TIAM1: variants seen among roughly 807,000 people sequenced by gnomAD.
The protein encoded by TIAM1 is TIAM Rac1 associated GEF 1, also known as rho guanine nucleotide exchange factor TIAM1.
In TIAM1, 65 loss-of-function variants were observed where a neutral mutation model predicts 163.5. The ratio of observed to expected loss-of-function variants is 0.40; its 90% CI spans 0.33 to 0.49. The LOEUF (loss-of-function observed/expected upper bound fraction) is 0.49. Ranked by LOEUF, TIAM1 falls within the 20% of genes least tolerant of loss-of-function variation. The pLI, the probability that TIAM1 is intolerant of heterozygous loss-of-function variation, is 0.77. For synonymous variants in TIAM1, 833 were observed against 810.1 expected, an observed-to-expected ratio of 1.03 and a Z score of -0.48; for missense variants, 1,789 against 2,044.7, an observed-to-expected ratio of 0.87 and a Z score of 2.41.
intron 9 of TIAM1, among the ~76,000 whole-genome samples, chr21:31,216,318 CATTCT>C (rs2087208544): frequency 6.6e-6 from 1 of 150,534 alleles, no homozygotes; most frequent in Admixed American, 6.6e-5. Context: ...AAGGAGAGAT[CATTCT>C]ATCAAGTCAG....
Position 31,484,349 on chromosome 21 carries a change from C to T in TIAM1, c.-421-20314G>A, listed in dbSNP as rs151031164. On this transcript the variant is annotated intron_variant, in intron 1 of 28. Coordinates refer to the TIAM1 transcript ENST00000286827. ...TGGGGACTGTGTGTGCTTTGCTCCC[C>T]GGTTCATCTGCAGGCACATACCCGC... Among the ~76,000 whole-genome samples, 10 of 152,314 alleles carry T rather than the reference C, an allele frequency of 6.6e-5. No homozygotes were observed. In the East Asian group the frequency reaches 7.7e-4, roughly 12 times the overall value.
chr21:31,500,755 G>A (rs1185380320), intron 1 of TIAM1, among the ~76,000 whole-genome samples: 2 of 152,140 alleles, frequency 1.3e-5, no homozygotes, highest in Admixed American at 6.6e-5. Context: ...CCAGAAACTA[G>A]GAAGAGGCAT....
At chr21:31,476,517 C>T (rs760551102) in intron 1 of TIAM1, among the ~76,000 whole-genome samples, 3 of 152,198 alleles carry the variant, frequency 2.0e-5, no homozygotes, top group Non-Finnish European at 4.4e-5. Context: ...TAGTAAATTA[C>T]AGATTCACTA....
chr21:31,249,430 C>T (rs1166034689), intron 5 of TIAM1, among the ~76,000 whole-genome samples: 1 of 152,140 alleles, frequency 6.6e-6, no homozygotes, highest in Non-Finnish European at 1.5e-5. Flanking sequence ...TATGGCAGCC[C>T]CAGCAAACTC....
At chr21:31,203,402 C>T (rs557051529) in intron 11 of TIAM1, among the ~76,000 whole-genome samples, 9 of 152,322 alleles carry the variant, frequency 5.9e-5, no homozygotes, top group African/African-American at 1.4e-4. Flanking sequence ...GGATTACAGG[C>T]GTGGGCCACT....
At chr21:31,244,068 T>C (rs979356725) in intron 6 of TIAM1, among the ~76,000 whole-genome samples, 2 of 152,244 alleles carry the variant, frequency 1.3e-5, no homozygotes, top group East Asian at 1.9e-4. Context: ...AATTACTTTA[T>C]GATAGCTCAC....
chr21:31,127,186 T>C (rs1045742930), intron 25 of TIAM1, 34 bp from the exon 26 acceptor site: 14 of 1,595,474 alleles, frequency 8.8e-6, no homozygotes, highest in Non-Finnish European at 1.1e-5. Context: ...AATCAGGGTA[T>C]GTTTCAAGTG....
intron 1 of TIAM1, among the ~76,000 whole-genome samples, chr21:31,514,543 C>T (rs1389335756): frequency 6.6e-6 from 1 of 151,146 alleles, no homozygotes; most frequent in Non-Finnish European, 1.5e-5. Context: ...AAAAAAATAG[C>T]CAGGTGTGGT....
intron 2 of TIAM1, among the ~76,000 whole-genome samples, chr21:31,293,661 A>G (rs1233455793): frequency 6.6e-6 from 1 of 152,238 alleles, no homozygotes; most frequent in African/African-American, 2.4e-5. Flanking sequence ...AGGTCAGCTC[A>G]GGTGTTCCAG....
intron 1 of TIAM1, among the ~76,000 whole-genome samples, chr21:31,527,833 T>C (rs74835295): frequency 0.017 from 2,661 of 152,252 alleles, 75 homozygotes; most frequent in African/African-American, 0.06. Context: ...AGTCTCTCAA[T>C]GTTGATCACA....
intron 2 of TIAM1, among the ~76,000 whole-genome samples, chr21:31,298,143 A>T (rs1601871644): frequency 6.6e-6 from 1 of 151,982 alleles, no homozygotes. Flanking sequence ...TGTCATGAGA[A>T]CCCAGGTGGG....
intron 15 of TIAM1, among the ~76,000 whole-genome samples, chr21:31,165,521 G>A (rs2084166866): frequency 6.6e-6 from 1 of 152,214 alleles, no homozygotes; most frequent in East Asian, 1.9e-4. Context: ...CTGTAAGCCA[G>A]GAAAAGAGCC....
chr21:31,431,977 A>G (rs1452560706), intron 2 of TIAM1, among the ~76,000 whole-genome samples: 2 of 151,990 alleles, frequency 1.3e-5, no homozygotes, highest in African/African-American at 4.8e-5. Context: ...AGAATGCCAC[A>G]TCGCATGCTA....
At chr21:31,440,742 G>A (rs1224632311) in intron 2 of TIAM1, among the ~76,000 whole-genome samples, 1 of 152,090 alleles carries the variant, frequency 6.6e-6, no homozygotes, top group Admixed American at 6.6e-5. Context: ...TTAGCTGGGT[G>A]TGGTGGCGTG....
At chr21:31,369,300 T>A (rs568196638) in intron 2 of TIAM1, among the ~76,000 whole-genome samples, 2 of 151,934 alleles carry the variant, frequency 1.3e-5, no homozygotes, top group Admixed American at 1.3e-4. Context: ...CATGCATCAG[T>A]TGCAAGGTGC....
intron 2 of TIAM1, among the ~76,000 whole-genome samples, chr21:31,312,043 C>A: frequency 6.6e-6 from 1 of 152,214 alleles, no homozygotes; most frequent in Non-Finnish European, 1.5e-5. Flanking sequence ...GGACTTACAC[C>A]AGTGATTTGC....
intron 1 of TIAM1, among the ~76,000 whole-genome samples, chr21:31,538,518 G>T (rs1225499685): frequency 6.6e-6 from 1 of 152,096 alleles, no homozygotes; most frequent in Non-Finnish European, 1.5e-5. Flanking sequence ...CATAATGTTA[G>T]TGCATAGCTT....
intron 1 of TIAM1, among the ~76,000 whole-genome samples, chr21:31,489,571 ACC>A (rs111846555): frequency 0.52 from 74,290 of 141,778 alleles, 20,312 homozygotes; most frequent in African/African-American, 0.68. Context: ...AAAAGTGCAG[ACC>A]CCCCCCCCCT....
At chr21:31,348,133 G>A (rs980374548), upstream of TIAM1, among the ~76,000 whole-genome samples, 1 of 152,084 alleles carries the variant, frequency 6.6e-6, no homozygotes, top group African/African-American at 2.4e-5. Flanking sequence ...CAATAGCTGG[G>A]CTTTAAAATT....
Sources: allele counts gnomAD v4.1 joint callset (sites outside exome capture counted in the v4.1 genomes callset), GRCh38; gene constraint gnomAD v4.1.1; transcripts MANE v1.5; gene names NCBI Gene and HGNC (gene_info 2026-07-23, HGNC 2026-07-21).